The following SCYL2 variants were observed in gnomAD, a reference collection of about 807,000 sequenced individuals.
The protein encoded by SCYL2 is SCY1 like pseudokinase 2.
A neutral mutation model predicts 100.4 loss-of-function variants in SCYL2; 36 were observed. The ratio of observed to expected loss-of-function variants is 0.36; its 90% CI spans 0.27 to 0.47. SCYL2 has a LOEUF of 0.47. Ranked by LOEUF, SCYL2 falls within the 20% of genes least tolerant of loss-of-function variation. SCYL2 has a pLI of 1.00. For missense variants in SCYL2, 902 were observed against 1,083.9 expected (o/e 0.83, Z 2.36); for synonymous variants, 330 against 359.2 (o/e 0.92, Z 0.92).
intron 3 of SCYL2, chr12:100,296,690 A>T (rs775922338): frequency 2.6e-5 from 4 of 152,250 alleles, no homozygotes; most frequent in Non-Finnish European, 4.4e-5. Flanking sequence ...AAGCAAAAAA[A>T]AATAGATTCA....
chr12:100,295,196 C>G (rs1449171319), intron 3 of SCYL2, among the ~76,000 whole-genome samples: 2 of 149,200 alleles, frequency 1.3e-5, no homozygotes. Context: ...CGGACGGAGA[C>G]GCTCCTCACT....
chr12:100,329,026 A>G (rs909861218), intron 12 of SCYL2, among the ~76,000 whole-genome samples, 175 bp from the exon 13 acceptor site: 1 of 152,224 alleles, frequency 6.6e-6, no homozygotes, highest in Non-Finnish European at 1.5e-5. Flanking sequence ...TGGCCTGATG[A>G]TAAAGGCTGA....
intron 4 of SCYL2, among the ~76,000 whole-genome samples, chr12:100,301,364 G>A (rs1382213905): frequency 6.6e-6 from 1 of 151,734 alleles, no homozygotes; most frequent in Non-Finnish European, 1.5e-5. Context: ...TTTTTCAATG[G>A]AGTTGTTTGA....
chr12:100,329,373 A>C, intron 13 of SCYL2, 54 bp downstream of exon 13: 2 of 819,742 alleles, frequency 2.4e-6, no homozygotes, highest in South Asian at 1.5e-5. Context: ...TTTTCTTGGC[A>C]TTAGATATAT....
At chr12:100,298,835 G>A (rs529780470) in intron 4 of SCYL2, among the ~76,000 whole-genome samples, 1 of 152,298 alleles carries the variant, frequency 6.6e-6, no homozygotes, top group Admixed American at 6.5e-5. Context: ...ACCCACCTCG[G>A]CCTCCCAAAG....
chr12:100,317,814 T>A lies in SCYL2; in HGVS notation c.1284T>A (p.Ile428=). ...KQQEPIQILL[I]FLQKMDLLLT... is the part of the protein sequence containing the mutation. ...CGTTTTCTAAACAGATTTTGTTAAT[T>A]TTCCTACAAAAAATGGATTTGCTAC... Residue 428 remains isoleucine, a synonymous_variant, in exon 10 of 18, where the codon ATT becomes ATA. Coordinates refer to ENST00000360820, the MANE Select transcript of SCYL2 (RefSeq NM_017988.6). 1 of 1,597,348 alleles carries A rather than the reference T, an allele frequency of 6.3e-7. No homozygotes were observed. The highest frequency in any genetic ancestry group is 8.5e-7 in the Non-Finnish European group (1 of 1,176,488).
intron 2 of SCYL2, among the ~76,000 whole-genome samples, chr12:100,284,512 T>C (rs2096302321): frequency 6.6e-6 from 1 of 152,310 alleles, no homozygotes; most frequent in African/African-American, 2.4e-5. Context: ...TTTTAAAGAA[T>C]AGCTAAGTCC....
intron 13 of SCYL2, among the ~76,000 whole-genome samples, chr12:100,331,568 A>C (rs1036515505): frequency 6.6e-6 from 1 of 152,150 alleles, no homozygotes; most frequent in African/African-American, 2.4e-5. Context: ...AGATTGCACC[A>C]CTGCACTCCA....
chr12:100,315,295 G>A (rs894575314), intron 8 of SCYL2, among the ~76,000 whole-genome samples: 15 of 152,148 alleles, frequency 9.9e-5, no homozygotes, highest in East Asian at 1.9e-4. Context: ...CAAACATAGC[G>A]GTGGAGACTA....
chr12:100,317,692 G>A lies in SCYL2; in HGVS notation c.1273-111G>A, dbSNP rs552056411. 5.6e-6 allele frequency: 8 copies of A among 1,430,528 alleles called. No homozygotes were observed. The South Asian group carries it at 1.3e-4, about 23-fold the overall frequency. The allele number at this position is 1,430,528 out of a possible 1,614,324, so 88.6% of individuals were successfully genotyped here. On this transcript the variant is annotated intron_variant, in intron 9 of 17. Transcript: ENST00000360820. ...TTCCACGCATTCAGGCTAGCAACATGGTGAGTGTCAAAATATATGAGTTAT... is the reference window on the plus strand; with the variant it reads ...TTCCACGCATTCAGGCTAGCAACATAGTGAGTGTCAAAATATATGAGTTAT...
chr12:100,331,679 A>G (rs1221697577), intron 13 of SCYL2, among the ~76,000 whole-genome samples: 2 of 152,038 alleles, frequency 1.3e-5, no homozygotes, highest in Admixed American at 6.5e-5. Flanking sequence ...GGGAGTGGCT[A>G]TTTTCATCAA....
chr12:100,316,348 T>C (rs1240017838), intron 9 of SCYL2, among the ~76,000 whole-genome samples: 2 of 152,242 alleles, frequency 1.3e-5, no homozygotes, highest in Non-Finnish European at 2.9e-5. Flanking sequence ...TTGGGGCTTC[T>C]TTATCTCCTT....
intron 11 of SCYL2, among the ~76,000 whole-genome samples, chr12:100,324,820 G>C (rs1592965139): frequency 1.3e-5 from 2 of 152,110 alleles, no homozygotes; most frequent in Admixed American, 6.5e-5. Flanking sequence ...AAAATAGATG[G>C]TAGTAATATA....
chr12:100,282,117 C>T (rs116231779), intron 1 of SCYL2, among the ~76,000 whole-genome samples: 4,073 of 151,920 alleles, frequency 0.027, 156 homozygotes, highest in African/African-American at 0.085. Flanking sequence ...TTCTGTCTCC[C>T]GGGTTCAAGC....
chr12:100,309,423 C>T (rs2096339384), intron 4 of SCYL2, among the ~76,000 whole-genome samples: 1 of 152,150 alleles, frequency 6.6e-6, no homozygotes, highest in South Asian at 2.1e-4. Context: ...CACAATTGTA[C>T]TTTCTGTCTC....
rs1394738580 is a variant in SCYL2 at position 100,334,295 on chromosome 12, G to T, written c.1862+29G>T. Reference sequence around the variant, plus strand: ...AGTAGGTTGCACATGAATTATATGTGGTCCGGGAGTGAAATTATAGTTGTC... The same window carrying T: ...AGTAGGTTGCACATGAATTATATGTTGTCCGGGAGTGAAATTATAGTTGTC... On this transcript the variant is annotated intron_variant, in intron 14 of 17. Coordinates refer to ENST00000360820, the MANE Select transcript of SCYL2 (RefSeq NM_017988.6). 3.3e-6 allele frequency: 4 copies of T among 1,205,084 alleles called. No individual in the cohort carries two copies. The South Asian group carries it at 4.9e-5, about 15-fold the overall frequency. The allele number at this position is 1,205,084 out of a possible 1,614,324, so 74.6% of individuals were successfully genotyped here.
chr12:100,319,216 A>G (rs1487613861), intron 10 of SCYL2: 2 of 455,346 alleles, frequency 4.4e-6, no homozygotes, highest in African/African-American at 4.0e-5. Flanking sequence ...TTTTTTCCTT[A>G]TAATTAGATT....
intron 10 of SCYL2, among the ~76,000 whole-genome samples, chr12:100,321,509 A>G (rs2096355725): frequency 6.6e-6 from 1 of 152,130 alleles, no homozygotes; most frequent in Non-Finnish European, 1.5e-5. Flanking sequence ...TGTTATTCCC[A>G]GAATTTGCCA....
chr12:100,324,741 C>G (rs905352791), intron 11 of SCYL2, among the ~76,000 whole-genome samples: 2 of 152,112 alleles, frequency 1.3e-5, no homozygotes, highest in Non-Finnish European at 2.9e-5. Context: ...CACTGTGCCT[C>G]TCTGAGTCTT....
Sources: allele counts gnomAD v4.1 joint callset (sites outside exome capture counted in the v4.1 genomes callset), GRCh38; gene constraint gnomAD v4.1.1; transcripts MANE v1.5; gene names NCBI Gene and HGNC (gene_info 2026-07-23, HGNC 2026-07-21).